Variants in POLK observed in about 807,000 individuals in gnomAD.
POLK encodes the protein DNA polymerase kappa.
A neutral mutation model predicts 94.0 loss-of-function variants in POLK; 76 were observed. The observed-to-expected ratio is 0.81, with a 90% CI of 0.67 to 0.98. The LOEUF (loss-of-function observed/expected upper bound fraction) is 0.98. POLK is among the 50% of genes least tolerant of loss of function. POLK has a pLI of 0.00. For synonymous variants in POLK, 349 were observed against 325.4 expected, an observed-to-expected ratio of 1.07 and a Z score of -0.78; for missense variants, 954 against 1,010.1, an observed-to-expected ratio of 0.94 and a Z score of 0.75.
intron 3 of POLK, among the ~76,000 whole-genome samples, chr5:75,557,555 A>G (rs918836684): frequency 3.3e-5 from 5 of 152,238 alleles, no homozygotes; most frequent in African/African-American, 1.2e-4. Flanking sequence ...AAGTCAAACC[A>G]TCATAAGTCC....
At chr5:75,596,932 TCTA>T in exon 13 of POLK, 2 of 1,613,478 alleles carry the variant, frequency 1.2e-6, no homozygotes, top group East Asian at 2.2e-5. Flanking sequence ...GAATTCTTCT[TCTA>T]CTGTTTCATT....
intron 1 of POLK, among the ~76,000 whole-genome samples, chr5:75,541,241 A>G (rs1162965037): frequency 6.6e-6 from 1 of 152,016 alleles, no homozygotes; most frequent in Non-Finnish European, 1.5e-5. Context: ...CCGTGAGCCG[A>G]TATCGCACCA....
At chr5:75,574,135 A>G (rs1475377250) in intron 5 of POLK, among the ~76,000 whole-genome samples, 1 of 152,202 alleles carries the variant, frequency 6.6e-6, no homozygotes, top group Non-Finnish European at 1.5e-5. Flanking sequence ...GAACTGCCTT[A>G]ATGATAATAT....
chr5:75,514,864 CAAAAA>C (rs779555957), intron 1 of POLK, among the ~76,000 whole-genome samples: 2 of 130,040 alleles, frequency 1.5e-5, no homozygotes, highest in Non-Finnish European at 3.3e-5. Context: ...GACCCTGTCT[CAAAAA>C]AAAAAAAATT....
chr5:75,581,284 C>T (rs1475911762), exon 7 of POLK: 14 of 1,612,436 alleles, frequency 8.7e-6, no homozygotes, highest in Non-Finnish European at 1.1e-5. Flanking sequence ...GAAGAGAGTC[C>T]TTCTGATGTG....
chr5:75,602,152 A>T (rs1458520422), downstream of POLK, among the ~76,000 whole-genome samples: 1 of 152,196 alleles, frequency 6.6e-6, no homozygotes, highest in East Asian at 1.9e-4. Context: ...CAACCAAGGA[A>T]GCTCAACCAA....
intron 1 of POLK, among the ~76,000 whole-genome samples, chr5:75,521,922 G>A (rs1308630289): frequency 1.3e-5 from 2 of 152,190 alleles, no homozygotes; most frequent in African/African-American, 4.8e-5. Context: ...TAGAAAGGCT[G>A]GCTAGGGGTT....
At chr5:75,596,466 A>C in exon 13 of POLK, 1 of 1,613,926 alleles carries the variant, frequency 6.2e-7, no homozygotes, top group African/African-American at 1.3e-5. Flanking sequence ...TGAATAAACA[A>C]AGTTTCCAGA....
intron 1 of POLK, chr5:75,512,605 G>T (rs1351792003): frequency 6.6e-6 from 1 of 152,146 alleles, no homozygotes; most frequent in Non-Finnish European, 1.5e-5. Context: ...TTAAGACTAG[G>T]GTTGAATTAG....
At chr5:75,511,452 G>A (rs1172686218), upstream of POLK, 8 of 1,532,348 alleles carry the variant, frequency 5.2e-6, no homozygotes, top group East Asian at 9.8e-5. Context: ...AGCCGCCGCC[G>A]CCGTCGCCGT....
exon 13 of POLK, chr5:75,597,089 A>G (rs1192161935): frequency 6.2e-7 from 1 of 1,613,156 alleles, no homozygotes; most frequent in Non-Finnish European, 8.5e-7. Flanking sequence ...GTGCATGTGG[A>G]TGTTTGCTTA....
At chr5:75,525,179 G>A (rs1455946662) in intron 1 of POLK, among the ~76,000 whole-genome samples, 1 of 152,144 alleles carries the variant, frequency 6.6e-6, no homozygotes, top group Non-Finnish European at 1.5e-5. Flanking sequence ...GAAAAGACAA[G>A]TCAACAGATG....
intron 1 of POLK, among the ~76,000 whole-genome samples, chr5:75,528,893 A>G (rs757392834): frequency 1.3e-5 from 2 of 152,350 alleles, no homozygotes; most frequent in South Asian, 2.1e-4. Flanking sequence ...AGTGAATACA[A>G]TTATCCCTTG....
chr5:75,576,109 T>C (rs1396424640), intron 5 of POLK, among the ~76,000 whole-genome samples: 6 of 152,164 alleles, frequency 3.9e-5, no homozygotes, highest in Non-Finnish European at 5.9e-5. Flanking sequence ...AATCTTTATA[T>C]GTATTTCTTT....
At chr5:75,591,265 A>G (rs1221453964) in intron 11 of POLK, among the ~76,000 whole-genome samples, 1 of 152,178 alleles carries the variant, frequency 6.6e-6, no homozygotes, top group Non-Finnish European at 1.5e-5. Context: ...GGTACATGTG[A>G]TAATTTACTA....
At chr5:75,511,646 T>C, upstream of POLK, 2 of 1,500,910 alleles carry the variant, frequency 1.3e-6, no homozygotes, top group South Asian at 1.3e-5. Context: ...CCCTCCCCTG[T>C]CCTTTCCCCT....
chr5:75,603,148 CA>C (rs1773335211), downstream of POLK, among the ~76,000 whole-genome samples: 1 of 152,204 alleles, frequency 6.6e-6, no homozygotes, highest in Admixed American at 6.5e-5. Flanking sequence ...CCATCATTAA[CA>C]AATGTATTTG....
intron 3 of POLK, among the ~76,000 whole-genome samples, chr5:75,553,046 T>G (rs549457257): frequency 2.6e-5 from 4 of 152,178 alleles, no homozygotes; most frequent in African/African-American, 7.2e-5. Flanking sequence ...AATCATGTTA[T>G]AGTAAAATAA....
chr5:75,602,039 T>C (rs1231652977), downstream of POLK, among the ~76,000 whole-genome samples: 1 of 152,172 alleles, frequency 6.6e-6, no homozygotes, highest in Non-Finnish European at 1.5e-5. Flanking sequence ...CCTATTTCTG[T>C]ATCAGTTCAG....
Sources: allele counts gnomAD v4.1 joint callset (sites outside exome capture counted in the v4.1 genomes callset), GRCh38; gene constraint gnomAD v4.1.1; transcripts MANE v1.5; gene names NCBI Gene and HGNC (gene_info 2026-07-23, HGNC 2026-07-21).